MAN2C1: variants seen among roughly 807,000 people sequenced by gnomAD.
MAN2C1 encodes alpha-mannosidase 2C1.
A neutral mutation model predicts 126.9 loss-of-function variants in MAN2C1; 111 were observed. The ratio of observed to expected loss-of-function variants is 0.87; its 90% CI spans 0.75 to 1.02. The LOEUF is 1.02. MAN2C1 is among the 50% of genes least tolerant of loss of function. MAN2C1 has a pLI of 0.00. For missense variants in MAN2C1, 1,363 were observed against 1,364.4 expected, an observed-to-expected ratio of 1.00 and a Z score of 0.02; for synonymous variants, 567 against 561.5, an observed-to-expected ratio of 1.01 and a Z score of -0.14.
chr15:75,363,369 C>A, intron 6 of MAN2C1: 1 of 454,804 alleles, frequency 2.2e-6, no homozygotes, highest in South Asian at 1.6e-5. Flanking sequence ...TCCCCCAACC[C>A]AGCTGGAGTA....
rs898386298 is a variant in MAN2C1, at chr15:75,361,172, T to C, written c.1334A>G (p.Asn445Ser). 6.2e-7 allele frequency: 1 copy of C among 1,613,088 alleles called. No individual in the cohort carries two copies. Among genetic ancestry groups the C allele is most frequent in the Non-Finnish European group, 8.5e-7 (1 of 1,179,718 alleles). ...GTTGGCCCGCCCCTTGTCCCGGTTG[T>C]TGGCCACGGTCTTCAGCACCTAGAC... is the stretch of plus-strand genomic sequence containing the variant. ...SVEEVLKTVA[N>S]NRDKGRANHS... Residue 445 changes from asparagine to serine, a missense_variant, in exon 12 of 26, where the codon AAC becomes AGC. Physicochemically the swap from Asn to Ser is conservative, Grantham distance 46. Around this residue, in one of 3 missense-constraint regions of MAN2C1, gnomAD observed 628 missense variants for 609.8 expected, o/e 1.03. Coordinates refer to ENST00000267978, the MANE Select transcript of MAN2C1 (RefSeq NM_006715.4). This position sits in a 1 kb window ranked among gnomAD's most constrained non-coding sequence, Gnocchi z 5.0.
chr15:75,368,319 C>CGCG, intron 1 of MAN2C1, 121 bp from the exon 2 acceptor site: 1 of 1,471,410 alleles, frequency 6.8e-7, no homozygotes, highest in Non-Finnish European at 9.1e-7. Flanking sequence ...CTGGCCGCTC[C>CGCG]GCGGCACAGT....
At position 75,368,567 on chromosome 15, in the gene MAN2C1, G is replaced by A. The variant is rs2072641810; in HGVS notation, c.17C>T (p.Ala6Val). 2.6e-6 allele frequency: 4 copies of A among 1,545,774 alleles called. No homozygotes were observed. Among genetic ancestry groups the A allele is most frequent in the Middle Eastern group, 1.7e-4 (1 of 5,920 alleles). ...CAGCGTGGTGCGCCAGTGCTTCAAG[G>A]CCGGCGCAGCCGCCATCGCCGGGCT... Reference protein sequence around the residue: MAAAPALKHWRTTLER... With the variant: MAAAPVLKHWRTTLER... The change falls in exon 1 of 26, where the codon GCC becomes GTC. Residue 6 changes from alanine to valine, a missense_variant. By Grantham distance (64) the Ala-to-Val change is moderately conservative. Transcript: ENST00000267978.
Position 75,361,365 on chromosome 15 carries a change from C to A in MAN2C1, c.1235G>T (p.Trp412Leu). ...VNSFPHHTFFWEGLDGSRVLV... is the reference protein window; with the variant it reads ...VNSFPHHTFFLEGLDGSRVLV... The stretch of plus-strand genomic sequence containing the variant: ...TACACGGGAGCCATCCAGGCCCTCC[C>A]AGAAAAATGTATGGTGCTACCAGCA... Residue 412 changes from tryptophan (W) to leucine (L), a missense_variant, in exon 11 of 26, where the codon TGG becomes TTG. Coordinates refer to ENST00000267978, the MANE Select transcript of MAN2C1 (RefSeq NM_006715.4). This position sits in a 1 kb window ranked among gnomAD's most constrained non-coding sequence, Gnocchi z 5.0. 6.4e-7 allele frequency: 1 copy of A among 1,564,250 alleles called. No individual in the cohort carries two copies.
Position 75,364,496 on chromosome 15 carries a change from T to G in MAN2C1, c.592A>C (p.Ile198Leu), listed in dbSNP as rs929025437. The change falls in exon 5 of 26, where the codon ATA becomes CTA. Residue 198 changes from isoleucine (I) to leucine (L), a missense_variant. Coordinates refer to ENST00000267978, the MANE Select transcript of MAN2C1 (RefSeq NM_006715.4). Reference protein sequence around the residue: ...LLVDLELLLGIAKGLGKDNQR... With the variant: ...LLVDLELLLGLAKGLGKDNQR... ...CAGGGGGTGTCAAGTACCTTGGCTA[T>G]GCCCAGCAGCAGCTCCAGATCCACC... The G allele has an allele frequency of 1.3e-6, 2 of 1,590,838 alleles. No individual in the cohort carries two copies. Among genetic ancestry groups the G allele is most frequent in the Non-Finnish European group, 1.7e-6 (2 of 1,168,348 alleles).
rs374480499 is a variant in MAN2C1, at chr15:75,358,446, C to A, written c.2403+16G>T. 6 of 1,613,396 alleles carry A rather than the reference C, an allele frequency of 3.7e-6. No individual in the cohort carries two copies. In the East Asian group the frequency reaches 1.3e-4, roughly 36 times the overall value. On this transcript the variant is annotated intron_variant, in intron 20 of 25. Transcript: ENST00000267978. The stretch of plus-strand genomic sequence containing the variant: ...GCACACTTGGGGAAAACAGCCACCC[C>A]CTACCCCCCGACTACCTCGGTGTGG...
rs1321923241 is a variant in MAN2C1, at chr15:75,358,505, A to G, written c.2360T>C (p.Val787Ala). The G allele has an allele frequency of 2.5e-6, 4 of 1,613,368 alleles. No individual in the cohort carries two copies. Among genetic ancestry groups the G allele is most frequent in the Non-Finnish European group, 3.4e-6 (4 of 1,179,992 alleles). Residue 787 changes from valine (V) to alanine (A), a missense_variant, in exon 20 of 26, where the codon GTT becomes GCT. By Grantham distance (64) the Val-to-Ala change is moderately conservative. This residue lies in a region of MAN2C1 where 668 missense variants were observed against 650.1 expected (regional missense o/e 1.03). Coordinates refer to ENST00000267978, the MANE Select transcript of MAN2C1 (RefSeq NM_006715.4). ...ISPNSRLSQE[V>A]VLDVGCPYVR... ...ATAGGGGCAGCCAACGTCCAGCACA[A>G]CCTCCTGGCTAAGCCGACTGTTGGG...
Position 75,360,371 on chromosome 15 carries a change from G to A in MAN2C1, c.1585-160C>T, listed in dbSNP as rs556366567. On this transcript the variant is annotated intron_variant, in intron 13 of 25. Transcript: ENST00000267978. ...CTTAAATGCCTTCCCTCTTCTCCCCGCAGCCCAAACCCTTCTTTCTTCAGG... is the reference window on the plus strand; with the variant it reads ...CTTAAATGCCTTCCCTCTTCTCCCCACAGCCCAAACCCTTCTTTCTTCAGG... 78 of 1,299,644 alleles carry A rather than the reference G, an allele frequency of 6.0e-5. No individual in the cohort carries two copies. The Admixed American group carries it at 9.9e-4, about 16-fold the overall frequency. 80.5% of individuals were successfully genotyped at this position (1,299,644 alleles called of 1,614,324 possible).
Position 75,361,046 on chromosome 15 carries a change from C to A in MAN2C1, c.1460G>T (p.Arg487Met). The A allele has an allele frequency of 6.2e-7, 1 of 1,608,484 alleles. No individual in the cohort carries two copies. Among genetic ancestry groups the A allele is most frequent in the Non-Finnish European group, 8.5e-7 (1 of 1,177,890 alleles). ...KRLSNTDGLP[R>M]VQLSSPRQLF... ...AAGGAGAGCCAAGGCCTGGCCTGAC[C>A]TGGGCAGCCCATCCGTATTGCTCAG... The change falls in exon 12 of 26, where the codon AGG becomes ATG. Residue 487 changes from arginine to methionine, a missense_variant and splice_region_variant. By Grantham distance (91) the Arg-to-Met change is moderately conservative. Transcript: ENST00000267978. This position sits in a 1 kb window ranked among gnomAD's most constrained non-coding sequence, Gnocchi z 5.0.
chr15:75,363,230 A>G (rs1201380036), intron 6 of MAN2C1: 6 of 456,268 alleles, frequency 1.3e-5, no homozygotes, highest in African/African-American at 1.2e-4. Flanking sequence ...GGCACAGCAG[A>G]GAAAGCCCTT....
rs987490356 is a variant in MAN2C1, at chr15:75,356,969, C to T, written c.2548-67G>A. 2 of 1,297,842 alleles carry T rather than the reference C, an allele frequency of 1.5e-6. No homozygotes were observed. The highest frequency in any genetic ancestry group is 2.2e-6 in the Non-Finnish European group (2 of 901,330). The allele number at this position is 1,297,842 out of a possible 1,614,324, so 80.4% of individuals were successfully genotyped here. A position where few individuals can be genotyped will look rare whatever the true frequency, so the allele number is the denominator to read the frequency against. On this transcript the variant is annotated intron_variant, in intron 21 of 25. Transcript: ENST00000267978. This position sits in a 1 kb window ranked among gnomAD's most constrained non-coding sequence, Gnocchi z 5.8. Reference sequence around the variant, plus strand: ...CTCTTTGTGCTCCCAGACTCCAGAGCTCCTGTCACTAGGCCGAGCACAAGC... The same window carrying T: ...CTCTTTGTGCTCCCAGACTCCAGAGTTCCTGTCACTAGGCCGAGCACAAGC...
In MAN2C1 at chr15:75,356,205, G is replaced by GGGGCTGCTCTC; in HGVS notation, c.2890_2900dup (p.Gln968ArgfsTer11). 6.2e-7 allele frequency: 1 copy of GGGGCTGCTCTC among 1,613,326 alleles called. No homozygotes were observed. On this transcript the variant is annotated frameshift_variant, in exon 25 of 26. Coordinates refer to ENST00000267978, the MANE Select transcript of MAN2C1 (RefSeq NM_006715.4). LOFTEE classifies it high-confidence loss of function. This position sits in a 1 kb window ranked among gnomAD's most constrained non-coding sequence, Gnocchi z 5.8. ...GCCTCAGGACCAGCGAGCGGCGCTG[G>GGGGCTGCTCTC]GGGCTGCTCTCCGCCTGCAGAGGAA...
In MAN2C1 at chr15:75,361,588, C is replaced by T; in HGVS notation, c.1218+16G>A. On this transcript the variant is annotated intron_variant, in intron 10 of 25. Transcript: ENST00000267978. The surrounding 1 kb of genome is among the most constrained non-coding windows in gnomAD (Gnocchi z 5.0). ...TGAGGCCCACTCTGACCCTGACCCCCCGGGGGCCTGCTTACTGGGAAGGAG... is the reference window on the plus strand; with the variant it reads ...TGAGGCCCACTCTGACCCTGACCCCTCGGGGGCCTGCTTACTGGGAAGGAG... The T allele has an allele frequency of 6.2e-7, 1 of 1,602,484 alleles. No individual in the cohort carries two copies.
chr15:75,367,925 C>T, intron 2 of MAN2C1, 148 bp downstream of exon 2: 10 of 1,134,932 alleles, frequency 8.8e-6, no homozygotes, highest in Non-Finnish European at 1.2e-5. Context: ...GAGCTGTTCC[C>T]AGCAGAGGGT....
chr15:75,367,992 A>G (rs2141343366), intron 2 of MAN2C1, 81 bp downstream of exon 2: 1 of 1,489,318 alleles, frequency 6.7e-7, no homozygotes, highest in Non-Finnish European at 9.0e-7. Context: ...GGCAGAGGGC[A>G]GACAACGAAG....
intron 6 of MAN2C1, chr15:75,363,292 T>C (rs1374594564): frequency 6.6e-6 from 3 of 456,064 alleles, no homozygotes; most frequent in Non-Finnish European, 1.3e-5. Context: ...CTTCAGGAGC[T>C]TGTTAAAAAT....
At position 75,359,930 on chromosome 15, in the gene MAN2C1, C is replaced by T; in HGVS notation, c.1765G>A (p.Ala589Thr). Residue 589 changes from alanine (A) to threonine (T), a missense_variant, in exon 15 of 26, where the codon GCA (alanine) becomes ACA (threonine). By Grantham distance (58) the Ala-to-Thr change is moderately conservative (BLOSUM62 0). Transcript: ENST00000267978. ...VVTGSCIQMV[A>T]EEAMCHYEDI... The stretch of plus-strand genomic sequence containing the variant: ...TCATAATGGCACATGGCTTCCTCTG[C>T]CACCATCTGGATGCAGCTTCCAGTC... The T allele has an allele frequency of 6.2e-7, 1 of 1,613,170 alleles. No individual in the cohort carries two copies. The highest frequency in any genetic ancestry group is 8.5e-7 in the Non-Finnish European group (1 of 1,179,548).
intron 6 of MAN2C1, chr15:75,363,127 T>A: frequency 2.2e-6 from 1 of 450,664 alleles, no homozygotes; most frequent in Non-Finnish European, 4.4e-6. Flanking sequence ...TGGAGCCAGC[T>A]GTCCTACCAG....
intron 6 of MAN2C1, chr15:75,363,433 A>G (rs1728027622): frequency 2.5e-6 from 1 of 407,390 alleles, no homozygotes; most frequent in Non-Finnish European, 4.9e-6. Context: ...TGTGACACCA[A>G]CTCTGCCTGC....
Sources: allele counts gnomAD v4.1 joint callset, GRCh38; gene constraint gnomAD v4.1.1; regional missense constraint gnomAD v4.1.1; non-coding constraint Gnocchi (gnomAD v3.1); transcripts MANE v1.5; gene names NCBI Gene and HGNC (gene_info 2026-07-23, HGNC 2026-07-21).